Variants in LIG4 observed in about 807,000 individuals in gnomAD.
The protein encoded by LIG4 is DNA ligase 4, also known as DNA joinase.
LIG4 carries 13 observed loss-of-function variants against 19.0 expected under a neutral mutation model. The ratio of observed to expected loss-of-function variants is 0.68; its 90% CI spans 0.44 to 1.09. LIG4 has a LOEUF of 1.09. LIG4 is among the 50% of genes least tolerant of loss of function. The pLI is 0.00. For synonymous variants in LIG4, 361 were observed against 358.2 expected (o/e 1.01, Z -0.09); for missense variants, 1,026 against 1,089.7 (o/e 0.94, Z 0.82).
intron 1 of LIG4, among the ~76,000 whole-genome samples, chr13:108,215,047 C>T (rs1299784093): frequency 6.5e-4 from 53 of 81,434 alleles, no homozygotes; most frequent in African/African-American, 2.7e-3. Context: ...ATCCCCCAGA[C>T]CCCCAATCTG....
At chr13:108,215,712 C>T (rs994938062), upstream of LIG4, among the ~76,000 whole-genome samples, 1 of 151,502 alleles carries the variant, frequency 6.6e-6, no homozygotes, top group Non-Finnish European at 1.5e-5. Flanking sequence ...TGAGTACACA[C>T]GGCTCCTATT....
In LIG4 at chr13:108,211,067, T is replaced by C. The variant is rs1225793070; in HGVS notation, c.202A>G (p.Met68Val). Residue 68 changes from methionine (M) to valine (V), a missense_variant, in exon 3 of 3, where the codon ATG (methionine) becomes GTG (valine). Met to Val is a conservative substitution (Grantham distance 21, BLOSUM62 1). Coordinates refer to ENST00000442234, the MANE Select transcript of LIG4 (RefSeq NM_206937.2). ...TCTAGCTGAGGAAGAATTAGTCTCATTGCTGGATAAAAAGAGTCTGTGACA... is the reference window on the plus strand; with the variant it reads ...TCTAGCTGAGGAAGAATTAGTCTCACTGCTGGATAAAAAGAGTCTGTGACA... ...KDVTDSFYPA[M>V]RLILPQLERE... 2 of 1,604,492 alleles carry C rather than the reference T, an allele frequency of 1.2e-6. No homozygotes were observed.
Position 108,208,783 on chromosome 13 carries a change from A to T in LIG4, c.2486T>A (p.Leu829Gln), listed in dbSNP as rs146597721. Residue 829 changes from leucine (L) to glutamine (Q), a missense_variant, in exon 3 of 3, where the codon CTG (leucine) becomes CAG (glutamine). Leu to Gln is a moderately radical substitution (Grantham distance 113). Around this residue, in one of 3 missense-constraint regions of LIG4, gnomAD observed 521 missense variants for 515.5 expected, o/e 1.01. Transcript: ENST00000442234. ...CCTTGTCCCCTCATTTTTGGTACTC[A>T]GGTCATTAATAACAGCATACGAGTC... is the stretch of plus-strand genomic sequence containing the variant. ...YLDSYAVINDLSTKNEGTRLA... is the reference protein window; with the variant it reads ...YLDSYAVINDQSTKNEGTRLA... The T allele has an allele frequency of 6.2e-7, 1 of 1,614,028 alleles. No homozygotes were observed. The highest frequency in any genetic ancestry group is 8.5e-7 in the Non-Finnish European group (1 of 1,180,012).
In LIG4 at chr13:108,209,166, A is replaced by G. The variant is rs1400591006; in HGVS notation, c.2103T>C (p.Ile701=). Residue 701 remains isoleucine, a synonymous_variant, in exon 3 of 3, where the codon ATT becomes ATC. Transcript: ENST00000442234. ...TCACTCTGATGTTCTCAGACCCTGCAATTACACAGTACGTGTCTGGGCCTG... is the reference window on the plus strand; with the variant it reads ...TCACTCTGATGTTCTCAGACCCTGCGATTACACAGTACGTGTCTGGGCCTG... ...QNPGPDTYCV[I]AGSENIRVKN... The G allele has an allele frequency of 1.9e-6, 3 of 1,614,210 alleles. No homozygotes were observed. The South Asian group carries it at 3.3e-5, about 18-fold the overall frequency.
chr13:108,216,787 C>G (rs1219689482), upstream of LIG4, among the ~76,000 whole-genome samples: 1 of 152,124 alleles, frequency 6.6e-6, no homozygotes, highest in African/African-American at 2.4e-5. Context: ...AGAAGCTGGA[C>G]TTTGTATTAG....
At chr13:108,212,225 G>A (rs935107394) in intron 2 of LIG4, among the ~76,000 whole-genome samples, 3 of 151,036 alleles carry the variant, frequency 2.0e-5, no homozygotes, top group African/African-American at 7.3e-5. Context: ...GGGGGGGAGT[G>A]TAGTGGAAAC....
chr13:108,208,825 C>A lies in LIG4; in HGVS notation c.2444G>T (p.Arg815Leu), dbSNP rs574090677. The change falls in exon 3 of 3, where the codon CGC becomes CTC. Residue 815 changes from arginine to leucine, a missense_variant. Transcript: ENST00000442234. ...ATACGAGTCCAAATAAACGGTGTGG[C>A]GTCGAAACATACTGAGAGGAGAGCA... ...WDCSPLSMFR[R>L]HTVYLDSYAV... The A allele has an allele frequency of 5.6e-6, 9 of 1,613,914 alleles. No individual in the cohort carries two copies. The highest frequency in any genetic ancestry group is 7.6e-6 in the Non-Finnish European group (9 of 1,180,026).
At position 108,211,103 on chromosome 13, in the gene LIG4, T is replaced by C. The variant is rs1478134958; in HGVS notation, c.166A>G (p.Asn56Asp). Reference protein sequence around the residue: ...WRKFHDALHKNHKDVTDSFYP... With the variant: ...WRKFHDALHKDHKDVTDSFYP... ...AAAGAGTCTGTGACATCTTTGTGGTTCTTATGAAGAGCATCATGAAATTTT... is the reference window on the plus strand; with the variant it reads ...AAAGAGTCTGTGACATCTTTGTGGTCCTTATGAAGAGCATCATGAAATTTT... Residue 56 changes from asparagine (N) to aspartate (D), a missense_variant, in exon 3 of 3, where the codon AAC becomes GAC. By Grantham distance (23) the Asn-to-Asp change is conservative. This residue lies in a region of LIG4 where 493 missense variants were observed against 544.5 expected (regional missense o/e 0.91). Coordinates refer to ENST00000442234, the MANE Select transcript of LIG4 (RefSeq NM_206937.2). The C allele has an allele frequency of 2.5e-6, 4 of 1,610,022 alleles. No individual in the cohort carries two copies. Among genetic ancestry groups the C allele is most frequent in the Non-Finnish European group, 3.4e-6 (4 of 1,177,338 alleles).
intron 2 of LIG4, among the ~76,000 whole-genome samples, chr13:108,214,104 C>T (rs1402403131): frequency 6.6e-6 from 1 of 152,044 alleles, no homozygotes; most frequent in East Asian, 1.9e-4. Context: ...AATAAACCGG[C>T]AGGTTTTATT....
In LIG4 at chr13:108,210,186, T is replaced by C. The variant is rs371477700; in HGVS notation, c.1083A>G (p.Gln361=). The change falls in exon 3 of 3, where the codon CAA becomes CAG. Residue 361 remains glutamine (Q), a synonymous_variant. Transcript: ENST00000442234. ...IKRMVEDSDL[Q]TCYCVFDVLM... is the part of the protein sequence containing the mutation. ...ATACATCAAAAACACAATAACAAGT[T>C]TGCAGATCAGAATCCTCTACCATTC... is the stretch of plus-strand genomic sequence containing the variant. The C allele has an allele frequency of 6.2e-7, 1 of 1,613,844 alleles. No homozygotes were observed. Among genetic ancestry groups the C allele is most frequent in the African/African-American group, 1.3e-5 (1 of 75,034 alleles).
Position 108,209,410 on chromosome 13 carries a change from T to C in LIG4, c.1859A>G (p.Asp620Gly), listed in dbSNP as rs748989188. The part of the protein sequence containing the change: ...LASKHLYIGG[D>G]DEPQEKKRKA... ...CCGCTTTTTTTCTTGTGGTTCATCA[T>C]CACCACCTATATAAAGGTGTTTAGA... is the stretch of plus-strand genomic sequence containing the variant. Residue 620 changes from aspartate (D) to glycine (G), a missense_variant, in exon 3 of 3, where the codon GAT becomes GGT. This residue lies in a region of LIG4 where 521 missense variants were observed against 515.5 expected (regional missense o/e 1.01). Transcript: ENST00000442234. The C allele has an allele frequency of 6.2e-5, 100 of 1,614,066 alleles. No individual in the cohort carries two copies. Among genetic ancestry groups the C allele is most frequent in the Non-Finnish European group, 7.8e-5 (92 of 1,180,034 alleles).
Position 108,208,605 on chromosome 13 carries a change from G to T in LIG4, c.2664C>A (p.Ile888=). Reference sequence around the variant, plus strand: ...AATCAGTTACCCAACTTTCTTTTAGGATTTTAAACTTTCTCTTAAAAGTTC... The same window carrying T: ...AATCAGTTACCCAACTTTCTTTTAGTATTTTAAACTTTCTCTTAAAAGTTC... The part of the protein sequence containing the change: ...FRRTFKRKFK[I]LKESWVTDSI... Residue 888 remains isoleucine, a synonymous_variant, in exon 3 of 3, where the codon ATC becomes ATA. Transcript: ENST00000442234. 6.2e-7 allele frequency: 1 copy of T among 1,612,932 alleles called. No individual in the cohort carries two copies. Among genetic ancestry groups the T allele is most frequent in the African/African-American group, 1.3e-5 (1 of 74,852 alleles).
rs1414587110 is a variant in LIG4, at chr13:108,211,152, G to C, written c.117C>G (p.Phe39Leu). 5 of 1,613,356 alleles carry C rather than the reference G, an allele frequency of 3.1e-6. No individual in the cohort carries two copies. The highest frequency in any genetic ancestry group is 4.2e-6 in the Non-Finnish European group (5 of 1,179,620). Residue 39 changes from phenylalanine (F) to leucine (L), a missense_variant, in exon 3 of 3, where the codon TTC (phenylalanine) becomes TTG (leucine). This residue lies in a region of LIG4 where 493 missense variants were observed against 544.5 expected (regional missense o/e 0.91). Transcript: ENST00000442234. ...TTCTCCAAGAATCTAAAAATTCCCT[G>C]AAGTGTCTGATTTTTTCTGCACGTC... is the stretch of plus-strand genomic sequence containing the variant. ...SKGRAEKIRH[F>L]REFLDSWRKF... is the part of the protein sequence containing the mutation.
chr13:108,215,585 C>A (rs1594479783), upstream of LIG4: 1 of 149,888 alleles, frequency 6.7e-6, no homozygotes. Flanking sequence ...AGACCCGGGG[C>A]CTTGCAGTCA....
At position 108,209,780 on chromosome 13, in the gene LIG4, G is replaced by C. The variant is rs1217712495; in HGVS notation, c.1489C>G (p.Pro497Ala). The C allele has an allele frequency of 6.2e-7, 1 of 1,614,078 alleles. No individual in the cohort carries two copies. The highest frequency in any genetic ancestry group is 1.7e-5 in the Admixed American group (1 of 60,012). ...CGAGAGAGAGTATGAAACACAGATG[G>C]CTTCTCACCAGGAGGGGGCTTCTCT... ...VAEKPPPGEK[P>A]SVFHTLSRVG... The change falls in exon 3 of 3, where the codon CCA becomes GCA. Residue 497 changes from proline (P) to alanine (A), a missense_variant. Coordinates refer to ENST00000442234, the MANE Select transcript of LIG4 (RefSeq NM_206937.2).
Position 108,211,117 on chromosome 13 carries a change from T to C in LIG4, c.152A>G (p.Asp51Gly). 1 of 1,611,642 alleles carries C rather than the reference T, an allele frequency of 6.2e-7. No individual in the cohort carries two copies. The highest frequency in any genetic ancestry group is 8.5e-7 in the Non-Finnish European group (1 of 1,178,204). ...EFLDSWRKFH[D>G]ALHKNHKDVT... The stretch of plus-strand genomic sequence containing the variant: ...ATCTTTGTGGTTCTTATGAAGAGCA[T>C]CATGAAATTTTCTCCAAGAATCTAA... The change falls in exon 3 of 3, where the codon GAT (aspartate) becomes GGT (glycine). Residue 51 changes from aspartate (D) to glycine (G), a missense_variant. Asp to Gly is a moderately conservative substitution (Grantham distance 94). This residue lies in a region of LIG4 where 493 missense variants were observed against 544.5 expected (regional missense o/e 0.91). Coordinates refer to ENST00000442234, the MANE Select transcript of LIG4 (RefSeq NM_206937.2).
rs2138974907 is a variant in LIG4, at chr13:108,210,018, T to TGCATC, written c.1246_1250dup (p.Leu418MetfsTer3). The TGCATC allele has an allele frequency of 3.1e-6, 5 of 1,612,240 alleles. No individual in the cohort carries two copies. Among genetic ancestry groups the TGCATC allele is most frequent in the Non-Finnish European group, 4.2e-6 (5 of 1,180,002 alleles). The stretch of plus-strand genomic sequence containing the variant: ...CTCTTTTATCTATTGCTTCATTCAA[T>TGCATC]GCATCAATTACTTCATTCTTAGTAT... On this transcript the variant is annotated frameshift_variant, in exon 3 of 3. Transcript: ENST00000442234. LOFTEE classifies it low-confidence loss of function (END_TRUNC).
Position 108,209,438 on chromosome 13 carries a change from C to T in LIG4, c.1831G>A (p.Ala611Thr), listed in dbSNP as rs187323251. ...CCACCTATATAAAGGTGTTTAGATG[C>T]GAGCTTACCAGATGCCTTCCCCCTA... is the stretch of plus-strand genomic sequence containing the variant. The part of the protein sequence containing the change: ...QLRGKASGKL[A>T]SKHLYIGGDD... The change falls in exon 3 of 3, where the codon GCA becomes ACA. Residue 611 changes from alanine (A) to threonine (T), a missense_variant. Transcript: ENST00000442234. The T allele has an allele frequency of 1.4e-4, 223 of 1,614,096 alleles. 1 individual carries two copies. Among genetic ancestry groups the T allele is most frequent in the Non-Finnish European group, 1.7e-4 (198 of 1,180,018 alleles).
In LIG4 at chr13:108,209,168, TTACACAG is replaced by T. The variant is rs1347718070; in HGVS notation, c.2094_2100del (p.Tyr698Ter). 5.0e-6 allele frequency: 8 copies of T among 1,614,082 alleles called. No homozygotes were observed. Among genetic ancestry groups the T allele is most frequent in the African/African-American group, 1.3e-5 (1 of 74,932 alleles). On this transcript the variant is annotated frameshift_variant, in exon 3 of 3. Transcript: ENST00000442234. LOFTEE classifies it low-confidence loss of function (END_TRUNC). ...ACTCTGATGTTCTCAGACCCTGCAA[TTACACAG>T]TACGTGTCTGGGCCTGGATTTTGTA...
Sources: allele counts gnomAD v4.1 joint callset (sites outside exome capture counted in the v4.1 genomes callset), GRCh38; gene constraint gnomAD v4.1.1; regional missense constraint gnomAD v4.1.1; transcripts MANE v1.5; gene names NCBI Gene and HGNC (gene_info 2026-07-23, HGNC 2026-07-21).